Variants in FZD3 observed in about 807,000 individuals in gnomAD.
FZD3 encodes frizzled class receptor 3, also known as frizzled-3.
FZD3 carries 30 observed loss-of-function variants against 60.7 expected under a neutral mutation model. That is an observed-to-expected ratio of 0.49 (90% CI 0.37 to 0.67). FZD3 has a LOEUF of 0.67. FZD3 is among the 30% of genes least tolerant of loss of function. The pLI, the probability that FZD3 is intolerant of heterozygous loss-of-function variation, is 0.00. For synonymous variants in FZD3, 246 were observed against 275.2 expected (o/e 0.89, Z 1.05); for missense variants, 605 against 838.7 (o/e 0.72, Z 3.44).
rs1803769203 is a variant in FZD3, at chr8:28,494,225, G to A, written c.-509G>A. ...GCCCCGGTGCTCGCGAAAGCTCGCT[G>A]TCGCTGGGAGGCGCGCGCCGGCGTT... On this transcript the variant is annotated 5_prime_UTR_variant, in exon 1 of 8. Coordinates refer to ENST00000240093, the MANE Select transcript of FZD3 (RefSeq NM_017412.4). 1 of 151,866 alleles carries A rather than the reference G, an allele frequency of 6.6e-6. No homozygotes were observed. Among genetic ancestry groups the A allele is most frequent in the African/African-American group, 2.4e-5 (1 of 41,402 alleles). 9.4% of individuals were successfully genotyped at this position (151,866 alleles called of 1,614,324 possible).
chr8:28,559,050 G>A (rs1194614131), intron 7 of FZD3, among the ~76,000 whole-genome samples: 1 of 152,190 alleles, frequency 6.6e-6, no homozygotes, highest in Non-Finnish European at 1.5e-5. Flanking sequence ...GGTCAGATTG[G>A]TTCGTGAAAG....
chr8:28,506,143 A>C (rs1051743360), intron 3 of FZD3, among the ~76,000 whole-genome samples: 2 of 152,214 alleles, frequency 1.3e-5, no homozygotes, highest in Non-Finnish European at 2.9e-5. Context: ...GTCAGTAGCA[A>C]TCTTTACTGA....
At chr8:28,531,289 T>A (rs1451249213) in intron 5 of FZD3, among the ~76,000 whole-genome samples, 1 of 152,242 alleles carries the variant, frequency 6.6e-6, no homozygotes. Flanking sequence ...TAGCTCATTT[T>A]TTAACTCAGT....
At chr8:28,531,280 A>G (rs1804868990) in intron 5 of FZD3, among the ~76,000 whole-genome samples, 1 of 152,184 alleles carries the variant, frequency 6.6e-6, no homozygotes, top group Non-Finnish European at 1.5e-5. Context: ...ATCATTCTGT[A>G]GCTCATTTTT....
Position 28,513,099 on chromosome 8 carries a change from C to T in FZD3, c.190-7539C>T, listed in dbSNP as rs1804331269. 2.0e-5 allele frequency among the ~76,000 whole-genome samples: 3 copies of T among 152,112 alleles called. No individual in the cohort carries two copies. The South Asian group carries it at 6.2e-4, about 31-fold the overall frequency. On this transcript the variant is annotated intron_variant, in intron 3 of 7. Coordinates refer to ENST00000240093, the MANE Select transcript of FZD3 (RefSeq NM_017412.4). ...GAGGAGAAACCAGCCAGGAATTAAA[C>T]GTCTAAATACAAGTAGTAGATAATT...
intron 7 of FZD3, among the ~76,000 whole-genome samples, chr8:28,556,842 TG>T (rs1405655230): frequency 6.6e-6 from 1 of 152,246 alleles, no homozygotes; most frequent in Non-Finnish European, 1.5e-5. Flanking sequence ...TGATTAATTC[TG>T]GTGGCTAGGG....
chr8:28,563,384 C>T lies in FZD3; in HGVS notation c.*373C>T, dbSNP rs1039020981. 5.7e-6 allele frequency: 1 copy of T among 175,574 alleles called. No homozygotes were observed. Among genetic ancestry groups the T allele is most frequent in the Admixed American group, 5.7e-5 (1 of 17,460 alleles). 10.9% of individuals were successfully genotyped at this position (175,574 alleles called of 1,614,324 possible). ...TAGTTGTGAGATAACATTCTGGTAG[C>T]TCAGTTAATAAAACAATTTCAGAAT... On this transcript the variant is annotated 3_prime_UTR_variant, in exon 8 of 8. Transcript: ENST00000240093.
rs1187292414 is a variant in FZD3 at position 28,527,541 on chromosome 8, C to G, written c.781C>G (p.Arg261Gly). ...CTTCATTGGATTTTTGCTTGAAGAT[C>G]GAGTAGCCTGCAATGCATCCATCCC... The part of the protein sequence containing the change: ...IFFIGFLLED[R>G]VACNASIPAQ... The change falls in exon 5 of 8, where the codon CGA becomes GGA. Residue 261 changes from arginine to glycine, a missense_variant. Coordinates refer to ENST00000240093, the MANE Select transcript of FZD3 (RefSeq NM_017412.4). The surrounding 1 kb of genome is among the most constrained non-coding windows in gnomAD (Gnocchi z 5.0). The G allele has an allele frequency of 3.1e-6, 5 of 1,613,842 alleles. No individual in the cohort carries two copies. In the South Asian group the frequency reaches 4.4e-5, roughly 14 times the overall value.
At chr8:28,554,507 CTTTAAA>C (rs1215888555) in intron 6 of FZD3, among the ~76,000 whole-genome samples, 5 of 152,058 alleles carry the variant, frequency 3.3e-5, no homozygotes, top group Non-Finnish European at 7.4e-5. Flanking sequence ...GCCTCTAAGA[CTTTAAA>C]TTTAAGTTTG....
chr8:28,541,168 G>A (rs535308015), intron 5 of FZD3, among the ~76,000 whole-genome samples: 1 of 152,124 alleles, frequency 6.6e-6, no homozygotes, highest in Admixed American at 6.5e-5. Flanking sequence ...ATTTATAAGG[G>A]GACACTCCTT....
chr8:28,527,183 G>T lies in FZD3; in HGVS notation c.423G>T (p.Val141=). 1 of 1,613,086 alleles carries T rather than the reference G, an allele frequency of 6.2e-7. No individual in the cohort carries two copies. The highest frequency in any genetic ancestry group is 8.5e-7 in the Non-Finnish European group (1 of 1,179,658). ...PDCDEPYPRL[V]DLNLAGEPTE... is the part of the protein sequence containing the mutation. ...GTGATGAGCCATATCCTCGACTTGTGGATCTGAATTTAGCTGGAGAACCAA... is the reference window on the plus strand; with the variant it reads ...GTGATGAGCCATATCCTCGACTTGTTGATCTGAATTTAGCTGGAGAACCAA... The change falls in exon 5 of 8, where the codon GTG becomes GTT. Residue 141 remains valine, a synonymous_variant. Coordinates refer to ENST00000240093, the MANE Select transcript of FZD3 (RefSeq NM_017412.4). The surrounding 1 kb of genome is among the most constrained non-coding windows in gnomAD (Gnocchi z 5.0).
At chr8:28,499,340 A>C (rs1005639561) in intron 1 of FZD3, among the ~76,000 whole-genome samples, 1 of 152,168 alleles carries the variant, frequency 6.6e-6, no homozygotes, top group Non-Finnish European at 1.5e-5. Context: ...CCACAAATAC[A>C]GGTTTATGCT....
chr8:28,521,956 G>A (rs747454367), intron 4 of FZD3, among the ~76,000 whole-genome samples: 3 of 152,120 alleles, frequency 2.0e-5, no homozygotes, highest in Non-Finnish European at 4.4e-5. Flanking sequence ...AGCAGATGTT[G>A]TTACTCTTAC....
intron 5 of FZD3, among the ~76,000 whole-genome samples, chr8:28,538,812 AATTC>A (rs66963543): frequency 0.49 from 73,448 of 149,118 alleles, 19,454 homozygotes; most frequent in South Asian, 0.63. Context: ...CCTTTTATAA[AATTC>A]ATTCATTAAT....
chr8:28,503,315 A>C, intron 3 of FZD3, 113 bp downstream of exon 3: 1 of 554,352 alleles, frequency 1.8e-6, no homozygotes, highest in Non-Finnish European at 3.1e-6. Flanking sequence ...TGCTATTTTA[A>C]ATTATATCTT....
At chr8:28,532,233 T>A (rs987168092) in intron 5 of FZD3, among the ~76,000 whole-genome samples, 4 of 152,210 alleles carry the variant, frequency 2.6e-5, no homozygotes, top group Non-Finnish European at 5.9e-5. Context: ...CTATTCTTGG[T>A]ACTTTGCTCT....
intron 2 of FZD3, among the ~76,000 whole-genome samples, chr8:28,500,539 G>A (rs778234618): frequency 5.3e-5 from 8 of 152,090 alleles, no homozygotes; most frequent in Non-Finnish European, 1.0e-4. Context: ...TACTATATGC[G>A]TATTCAACAG....
Position 28,520,812 on chromosome 8 carries a change from C to A in FZD3, c.364C>A (p.Pro122Thr). 6.3e-7 allele frequency: 1 copy of A among 1,598,814 alleles called. No individual in the cohort carries two copies. Among genetic ancestry groups the A allele is most frequent in the Admixed American group, 1.7e-5 (1 of 58,376 alleles). ...CATGGAGATGTTTGGTGTTCCTTGG[C>A]CTGAAGATATGGAATGCAGTAGGTG... Reference protein sequence around the residue: ...KLMEMFGVPWPEDMECSRFPD... With the variant: ...KLMEMFGVPWTEDMECSRFPD... Residue 122 changes from proline (P) to threonine (T), a missense_variant, in exon 4 of 8, where the codon CCT (proline) becomes ACT (threonine). By Grantham distance (38) the Pro-to-Thr change is conservative. Coordinates refer to ENST00000240093, the MANE Select transcript of FZD3 (RefSeq NM_017412.4).
chr8:28,543,634 G>A (rs1434905409), intron 5 of FZD3, among the ~76,000 whole-genome samples: 1 of 151,790 alleles, frequency 6.6e-6, no homozygotes, highest in Non-Finnish European at 1.5e-5. Context: ...GCTCGCCTTG[G>A]CCTCCCAAAG....
Sources: allele counts gnomAD v4.1 joint callset (sites outside exome capture counted in the v4.1 genomes callset), GRCh38; gene constraint gnomAD v4.1.1; non-coding constraint Gnocchi (gnomAD v3.1); transcripts MANE v1.5; gene names NCBI Gene and HGNC (gene_info 2026-07-23, HGNC 2026-07-21).